The following NBEA variants were observed in gnomAD, a reference collection of about 807,000 sequenced individuals.
The protein encoded by NBEA is lysosomal-trafficking regulator 2.
A neutral mutation model predicts 343.4 loss-of-function variants in NBEA; 44 were observed. That is an observed-to-expected ratio of 0.13 (90% CI 0.10 to 0.16). The LOEUF is 0.16. Ranked by LOEUF, NBEA falls within the 10% of genes least tolerant of loss-of-function variation. NBEA has a pLI of 1.00. For synonymous variants in NBEA, 1,175 were observed against 1,238.7 expected (o/e 0.95, Z 1.08); for missense variants, 2,555 against 3,631.3 (o/e 0.70, Z 7.62).
chr13:35,541,793 G>A (rs146676149), intron 41 of NBEA, among the ~76,000 whole-genome samples: 1 of 149,960 alleles, frequency 6.7e-6, no homozygotes, highest in Non-Finnish European at 1.5e-5. Flanking sequence ...TGCACAAAAA[G>A]GTAGGGAGTA....
chr13:35,404,056 A>G (rs2043132565), intron 38 of NBEA, among the ~76,000 whole-genome samples: 1 of 152,214 alleles, frequency 6.6e-6, no homozygotes, highest in Admixed American at 6.5e-5. Flanking sequence ...ATGAGATACC[A>G]TCTCACACCA....
chr13:35,513,232 G>A (rs1011812784), intron 41 of NBEA, among the ~76,000 whole-genome samples: 1 of 148,546 alleles, frequency 6.7e-6, no homozygotes, highest in East Asian at 2.0e-4. Context: ...CACCTCCCAG[G>A]TTCAAGCGAT....
intron 8 of NBEA, among the ~76,000 whole-genome samples, chr13:35,063,820 TAA>T (rs1391229876): frequency 2.0e-5 from 3 of 151,988 alleles, no homozygotes; most frequent in Non-Finnish European, 2.9e-5. Flanking sequence ...TCTAAGACTC[TAA>T]AAGGTCAGCT....
At chr13:35,481,042 G>A (rs1199556019) in intron 41 of NBEA, among the ~76,000 whole-genome samples, 1 of 151,870 alleles carries the variant, frequency 6.6e-6, no homozygotes, top group African/African-American at 2.4e-5. Flanking sequence ...TCTTCAACTA[G>A]AACATTTTGA....
intron 37 of NBEA, among the ~76,000 whole-genome samples, chr13:35,351,306 TTA>T (rs990363302): frequency 6.6e-5 from 10 of 151,996 alleles, no homozygotes; most frequent in African/African-American, 2.2e-4. Flanking sequence ...ATGTTAAAAG[TTA>T]TAGTCACACC....
At chr13:35,137,650 T>G (rs1365102259) in intron 17 of NBEA, among the ~76,000 whole-genome samples, 1 of 152,142 alleles carries the variant, frequency 6.6e-6, no homozygotes, top group Non-Finnish European at 1.5e-5. Context: ...CTTTATTACC[T>G]TCTCTTACTC....
chr13:34,985,838 A>G (rs956174289), intron 1 of NBEA, among the ~76,000 whole-genome samples: 2 of 150,816 alleles, frequency 1.3e-5, no homozygotes, highest in African/African-American at 4.8e-5. Flanking sequence ...TGTTTATATT[A>G]TTATCTGATG....
Position 35,103,972 on chromosome 13 carries a change from A to C in NBEA, c.1681-5318A>C, listed in dbSNP as rs1463707967. Among the ~76,000 whole-genome samples, 8 of 151,948 alleles carry C rather than the reference A, an allele frequency of 5.3e-5. No homozygotes were observed. In the East Asian group the frequency reaches 1.5e-3, roughly 29 times the overall value. ...CTTGCAGTTAGACTAGTTATCCTAAAATGTGCCAAATCTTATTCAAGTCTT... is the reference window on the plus strand; with the variant it reads ...CTTGCAGTTAGACTAGTTATCCTAACATGTGCCAAATCTTATTCAAGTCTT... On this transcript the variant is annotated intron_variant, in intron 11 of 58. Coordinates refer to ENST00000379939, the MANE Select transcript of NBEA (RefSeq NM_001385012.1).
At chr13:35,271,230 T>C (rs1040383984) in intron 34 of NBEA, among the ~76,000 whole-genome samples, 1 of 152,178 alleles carries the variant, frequency 6.6e-6, no homozygotes, top group East Asian at 1.9e-4. Flanking sequence ...AAAGTGGACG[T>C]CCAGCGAATT....
At chr13:35,350,728 ATGTGTGTG>A (rs34088295) in intron 37 of NBEA, among the ~76,000 whole-genome samples, 9,055 of 137,858 alleles carry the variant, frequency 0.066, 530 homozygotes, top group African/African-American at 0.16. Flanking sequence ...AGAGCTATTG[ATGTGTGTG>A]TGTGTGTGTG....
chr13:35,581,511 T>A (rs2081033645), intron 45 of NBEA, among the ~76,000 whole-genome samples: 1 of 152,052 alleles, frequency 6.6e-6, no homozygotes. Context: ...CATTGTAGAT[T>A]CTGGATATTA....
intron 41 of NBEA, among the ~76,000 whole-genome samples, chr13:35,543,181 A>G (rs994841929): frequency 1.3e-5 from 2 of 152,196 alleles, no homozygotes; most frequent in African/African-American, 4.8e-5. Flanking sequence ...AAAAAATGAA[A>G]TTATATTAGA....
chr13:35,504,658 G>A (rs1176300154), intron 41 of NBEA, among the ~76,000 whole-genome samples: 4 of 151,018 alleles, frequency 2.6e-5, no homozygotes, highest in East Asian at 1.9e-4. Flanking sequence ...TTTGATACAC[G>A]GTCTCACTCT....
At chr13:34,960,598 A>G (rs1443415662) in intron 1 of NBEA, among the ~76,000 whole-genome samples, 1 of 152,008 alleles carries the variant, frequency 6.6e-6, no homozygotes, top group Non-Finnish European at 1.5e-5. Context: ...TTTATCTTTT[A>G]TAGTATATTT....
chr13:35,454,837 G>A (rs1488952771), intron 40 of NBEA, among the ~76,000 whole-genome samples: 2 of 151,956 alleles, frequency 1.3e-5, no homozygotes, highest in African/African-American at 4.8e-5. Context: ...TCCAGCCTGG[G>A]CGACAGAATG....
chr13:35,357,091 A>G (rs966404110), intron 38 of NBEA, among the ~76,000 whole-genome samples: 24 of 152,168 alleles, frequency 1.6e-4, no homozygotes, highest in Non-Finnish European at 3.4e-4. Flanking sequence ...TAATTGTTCA[A>G]CACATAATTT....
At chr13:34,995,838 A>G (rs2060921917) in intron 1 of NBEA, among the ~76,000 whole-genome samples, 1 of 152,228 alleles carries the variant, frequency 6.6e-6, no homozygotes, top group African/African-American at 2.4e-5. Context: ...TGCAAATTTT[A>G]TTTAACAGGT....
chr13:35,300,063 T>C (rs2036433271), intron 35 of NBEA, among the ~76,000 whole-genome samples: 1 of 152,226 alleles, frequency 6.6e-6, no homozygotes, highest in Non-Finnish European at 1.5e-5. Flanking sequence ...CTATGTACTT[T>C]TCTTGTCACA....
intron 38 of NBEA, among the ~76,000 whole-genome samples, chr13:35,401,072 T>C (rs1037669885): frequency 6.6e-6 from 1 of 152,032 alleles, no homozygotes; most frequent in Admixed American, 6.6e-5. Context: ...TTATATTATA[T>C]TGTAATTATT....
Sources: gnomAD v4.1 joint callset for allele counts (sites outside exome capture counted in the v4.1 genomes callset) on GRCh38, gnomAD v4.1.1 for gene constraint, MANE v1.5 for transcripts, NCBI Gene and HGNC (gene_info 2026-07-23, HGNC 2026-07-21) for gene names.